CCSER1: variants seen among roughly 807,000 people sequenced by gnomAD.
The protein encoded by CCSER1 is serine-rich coiled-coil domain-containing protein 1.
A neutral mutation model predicts 82.0 loss-of-function variants in CCSER1; 41 were observed. The observed-to-expected ratio is 0.50, with a 90% CI of 0.39 to 0.65. The LOEUF is 0.65. Ranked by LOEUF, CCSER1 falls within the 30% of genes least tolerant of loss-of-function variation. The probability of loss-of-function intolerance (pLI) is 0.00; values close to 1 mark genes in which losing one functional copy is unlikely to be tolerated. For missense variants in CCSER1, 1,119 were observed against 1,064.2 expected, an observed-to-expected ratio of 1.05 and a Z score of -0.72; for synonymous variants, 414 against 383.9, an observed-to-expected ratio of 1.08 and a Z score of -0.92.
At chr4:91,378,583 CT>C (rs763084138) in intron 10 of CCSER1, among the ~76,000 whole-genome samples, 23 of 152,042 alleles carry the variant, frequency 1.5e-4, no homozygotes, top group Non-Finnish European at 2.8e-4. Flanking sequence ...ATGCTTGTGA[CT>C]TTTGCACATT....
chr4:90,258,964 G>T (rs917762371), intron 1 of CCSER1, among the ~76,000 whole-genome samples: 8 of 152,082 alleles, frequency 5.3e-5, no homozygotes, highest in Non-Finnish European at 1.2e-4. Flanking sequence ...GGTTATGTGG[G>T]CTCTTTTTTG....
intron 1 of CCSER1, among the ~76,000 whole-genome samples, chr4:90,273,607 A>G (rs1168274505): frequency 6.6e-6 from 1 of 152,234 alleles, no homozygotes; most frequent in Non-Finnish European, 1.5e-5. Context: ...ACCAAGTTGT[A>G]TAGTTAATAT....
At chr4:90,958,623 C>A (rs958305567) in intron 9 of CCSER1, among the ~76,000 whole-genome samples, 1 of 151,982 alleles carries the variant, frequency 6.6e-6, no homozygotes. Flanking sequence ...GTCTCGTGTC[C>A]CTCCCTTGGG....
chr4:90,306,504 A>G (rs914795270), intron 1 of CCSER1, among the ~76,000 whole-genome samples: 1 of 152,214 alleles, frequency 6.6e-6, no homozygotes, highest in African/African-American at 2.4e-5. Flanking sequence ...AATTAAATTC[A>G]TTGACTGTAG....
intron 10 of CCSER1, among the ~76,000 whole-genome samples, chr4:91,581,980 T>C (rs1421907395): frequency 6.6e-6 from 1 of 151,718 alleles, no homozygotes; most frequent in African/African-American, 2.4e-5. Flanking sequence ...ATTTCTTTCT[T>C]GTTACGATTC....
intron 7 of CCSER1, chr4:90,781,981 A>G (rs1348228077): frequency 1.1e-6 from 1 of 882,154 alleles, no homozygotes; most frequent in African/African-American, 1.8e-5. Context: ...ACAAAAATAA[A>G]ATGAAGAACA....
intron 5 of CCSER1, among the ~76,000 whole-genome samples, chr4:90,611,346 T>A (rs2148823451): frequency 6.6e-6 from 1 of 152,266 alleles, no homozygotes; most frequent in Admixed American, 6.5e-5. Flanking sequence ...ATATGACTGC[T>A]AACATGTAAA....
In CCSER1 at chr4:90,672,110, A is replaced by AATTATGCT. The variant is rs376668625; in HGVS notation, c.1932+43879_1932+43880insTTATGCTA. Among the ~76,000 whole-genome samples the AATTATGCT allele has an allele frequency of 6.0e-3, 908 of 152,124 alleles. 9 individuals carry two copies. The highest frequency in any genetic ancestry group is 0.021 in the African/African-American group (858 of 41,544). On this transcript the variant is annotated intron_variant, in intron 6 of 10. Transcript: ENST00000509176. Reference sequence around the variant, plus strand: ...GCAGAGTAGATTTAGCATAATTCTTAAGGACCCTAGAACTTTAAGAAGGGT... The same window carrying AATTATGCT: ...GCAGAGTAGATTTAGCATAATTCTTAATTATGCTAGGACCCTAGAACTTTAAGAAGGGT...
intron 4 of CCSER1, among the ~76,000 whole-genome samples, chr4:90,467,004 A>T (rs1173636229): frequency 6.6e-6 from 1 of 152,240 alleles, no homozygotes; most frequent in Non-Finnish European, 1.5e-5. Context: ...TCACCAGTGG[A>T]AAGCCACACA....
rs372582616 is a variant in CCSER1 at position 91,121,646 on chromosome 4, T to C, written c.2217+35652T>C. On this transcript the variant is annotated intron_variant, in intron 10 of 10. Coordinates refer to ENST00000509176, the MANE Select transcript of CCSER1 (RefSeq NM_001145065.2). ...TTAACTTAGTATCTAATCATAAATA[T>C]GTATTTTGGGCCAAAATATTATTTA... is the stretch of plus-strand genomic sequence containing the variant. 4.0e-5 allele frequency among the ~76,000 whole-genome samples: 6 copies of C among 151,832 alleles called. No homozygotes were observed. The East Asian group carries it at 9.7e-4, about 24-fold the overall frequency.
intron 8 of CCSER1, among the ~76,000 whole-genome samples, chr4:90,845,110 C>T (rs1763043029): frequency 6.6e-6 from 1 of 151,966 alleles, no homozygotes; most frequent in South Asian, 2.1e-4. Context: ...CTCCTGTAAC[C>T]CCAACACTCT....
chr4:90,637,209 G>C (rs1040340557), intron 6 of CCSER1, among the ~76,000 whole-genome samples: 6 of 152,148 alleles, frequency 3.9e-5, no homozygotes, highest in African/African-American at 4.8e-5. Flanking sequence ...CTACTGCCTA[G>C]TTCACTCACT....
At chr4:90,923,667 A>G (rs1561370946) in intron 9 of CCSER1, 2 of 424,032 alleles carry the variant, frequency 4.7e-6, no homozygotes, top group East Asian at 7.4e-5. Context: ...ATTTTTTTAC[A>G]TCAACAATTT....
At chr4:90,815,101 T>A (rs62309556) in intron 7 of CCSER1, among the ~76,000 whole-genome samples, 4 of 151,930 alleles carry the variant, frequency 2.6e-5, no homozygotes, top group South Asian at 2.1e-4. Flanking sequence ...TGGGGAAGCC[T>A]CAGGAAACTT....
chr4:91,155,784 A>G (rs1041290308), intron 10 of CCSER1, among the ~76,000 whole-genome samples: 2 of 151,970 alleles, frequency 1.3e-5, no homozygotes, highest in Non-Finnish European at 1.5e-5. Context: ...GGGGATGGAG[A>G]AACAGTAAAA....
At chr4:90,950,136 T>C (rs1163192450) in intron 9 of CCSER1, among the ~76,000 whole-genome samples, 3 of 152,094 alleles carry the variant, frequency 2.0e-5, no homozygotes, top group Admixed American at 1.3e-4. Context: ...TTAGCTAACC[T>C]GGACTACCTG....
At chr4:90,186,652 A>G (rs1734672005) in intron 1 of CCSER1, among the ~76,000 whole-genome samples, 1 of 152,040 alleles carries the variant, frequency 6.6e-6, no homozygotes, top group Non-Finnish European at 1.5e-5. Context: ...AGGCCTTAAT[A>G]GAAATGTGAT....
chr4:90,624,209 A>G (rs920834430), intron 5 of CCSER1, among the ~76,000 whole-genome samples: 1 of 152,174 alleles, frequency 6.6e-6, no homozygotes, highest in Non-Finnish European at 1.5e-5. Flanking sequence ...CTATAATGAA[A>G]GATGTCATTG....
intron 10 of CCSER1, among the ~76,000 whole-genome samples, chr4:91,392,363 G>GCACACACTCACA (rs58770768): frequency 6.8e-6 from 1 of 148,118 alleles, no homozygotes; most frequent in African/African-American, 2.5e-5. Context: ...ACCTACACAT[G>GCACACACTCACA]CACACACACA....
Sources: allele counts gnomAD v4.1 joint callset (sites outside exome capture counted in the v4.1 genomes callset), GRCh38; gene constraint gnomAD v4.1.1; transcripts MANE v1.5; gene names NCBI Gene and HGNC (gene_info 2026-07-23, HGNC 2026-07-21).